B3GALT1: variants seen among roughly 807,000 people sequenced by gnomAD.
B3GALT1 encodes the protein beta-1,3-galactosyltransferase 1.
In B3GALT1, 10 loss-of-function variants were observed where a neutral mutation model predicts 23.2. The ratio of observed to expected loss-of-function variants is 0.43; its 90% CI spans 0.27 to 0.73. The LOEUF is 0.73. B3GALT1 is among the 30% of genes least tolerant of loss of function. The pLI is 0.21. For missense variants in B3GALT1, 299 were observed against 405.4 expected, an observed-to-expected ratio of 0.74 and a Z score of 2.25; for synonymous variants, 156 against 141.5, an observed-to-expected ratio of 1.10 and a Z score of -0.73.
intron 2 of B3GALT1, among the ~76,000 whole-genome samples, chr2:167,588,244 G>A (rs1407664943): frequency 2.1e-5 from 3 of 145,058 alleles, no homozygotes; most frequent in African/African-American, 7.6e-5. Context: ...TCACCTGTGA[G>A]CTAAAAAAAC....
At chr2:167,593,411 C>A (rs892607880) in intron 2 of B3GALT1, among the ~76,000 whole-genome samples, 2 of 152,088 alleles carry the variant, frequency 1.3e-5, no homozygotes, top group Admixed American at 6.6e-5. Context: ...CACAATAATT[C>A]CATCTGTTTT....
chr2:167,536,079 G>T (rs1683418115), intron 2 of B3GALT1, among the ~76,000 whole-genome samples: 1 of 152,032 alleles, frequency 6.6e-6, no homozygotes, highest in African/African-American at 2.4e-5. Context: ...GCTAATTTTT[G>T]TACTTTTAGT....
intron 3 of B3GALT1, among the ~76,000 whole-genome samples, chr2:167,777,377 T>TG (rs983866611): frequency 2.6e-5 from 4 of 152,280 alleles, no homozygotes; most frequent in Admixed American, 6.5e-5. Context: ...GACAGAGTCT[T>TG]GCTCTGTTGC....
intron 3 of B3GALT1, among the ~76,000 whole-genome samples, chr2:167,704,127 GC>G (rs1260512959): frequency 1.3e-4 from 18 of 142,576 alleles, no homozygotes; most frequent in African/African-American, 4.7e-4. Context: ...CTTGCAATGA[GC>G]CGAGATCGCA....
At chr2:167,521,181 C>T (rs915105227) in intron 2 of B3GALT1, among the ~76,000 whole-genome samples, 6 of 152,078 alleles carry the variant, frequency 3.9e-5, no homozygotes, top group Non-Finnish European at 7.4e-5. Flanking sequence ...GATGTTTGTT[C>T]TTGCTTCCAT....
intron 1 of B3GALT1, among the ~76,000 whole-genome samples, chr2:167,396,454 G>C (rs921380096): frequency 2.0e-5 from 3 of 150,240 alleles, no homozygotes; most frequent in Non-Finnish European, 4.4e-5. Flanking sequence ...TCTCAAAAAA[G>C]TAATTTTTTT....
chr2:167,806,824 C>T (rs914752326), intron 3 of B3GALT1, among the ~76,000 whole-genome samples: 10 of 152,250 alleles, frequency 6.6e-5, no homozygotes, highest in Middle Eastern at 3.4e-3. Context: ...ATGATGCTGG[C>T]GTCATAAAAT....
intron 1 of B3GALT1, among the ~76,000 whole-genome samples, chr2:167,456,120 G>C (rs1699170176): frequency 6.6e-6 from 1 of 152,162 alleles, no homozygotes; most frequent in Non-Finnish European, 1.5e-5. Context: ...TGGTTCTGCA[G>C]ACTGTACAGG....
At chr2:167,534,951 T>G (rs1683391656) in intron 2 of B3GALT1, among the ~76,000 whole-genome samples, 1 of 152,178 alleles carries the variant, frequency 6.6e-6, no homozygotes, top group Admixed American at 6.5e-5. Context: ...TATCCTCATT[T>G]TAAAAAAGAA....
At chr2:167,297,525 A>T (rs571905209) in intron 1 of B3GALT1, among the ~76,000 whole-genome samples, 4 of 152,156 alleles carry the variant, frequency 2.6e-5, no homozygotes, top group Non-Finnish European at 4.4e-5. Context: ...GCTTGTCTTT[A>T]ATTAAAAATA....
At chr2:167,447,356 C>G (rs983124618) in intron 1 of B3GALT1, among the ~76,000 whole-genome samples, 5 of 152,218 alleles carry the variant, frequency 3.3e-5, no homozygotes, top group Non-Finnish European at 7.3e-5. Context: ...ATCTCAAACT[C>G]CGTGCTTGGA....
chr2:167,648,081 C>A (rs184851234), intron 3 of B3GALT1, among the ~76,000 whole-genome samples: 95 of 152,192 alleles, frequency 6.2e-4, no homozygotes, highest in African/African-American at 1.9e-3. Context: ...CTTATGTAAT[C>A]TTTTCTTTCA....
At chr2:167,493,680 G>C (rs1308078330) in intron 2 of B3GALT1, among the ~76,000 whole-genome samples, 1 of 152,160 alleles carries the variant, frequency 6.6e-6, no homozygotes, top group Non-Finnish European at 1.5e-5. Flanking sequence ...AGGGTTGGGT[G>C]GGGGAAGAAG....
intron 2 of B3GALT1, among the ~76,000 whole-genome samples, chr2:167,593,984 C>G: frequency 6.6e-6 from 1 of 152,176 alleles, no homozygotes; most frequent in Non-Finnish European, 1.5e-5. Context: ...ACACAGAAGC[C>G]TAGATATTTA....
chr2:167,664,330 T>C (rs2105475841), intron 3 of B3GALT1, among the ~76,000 whole-genome samples: 1 of 151,682 alleles, frequency 6.6e-6, no homozygotes, highest in South Asian at 2.1e-4. Flanking sequence ...TATCTCTGTT[T>C]TGGTACCAGT....
At chr2:167,668,651 G>T (rs927051340) in intron 3 of B3GALT1, among the ~76,000 whole-genome samples, 2 of 152,120 alleles carry the variant, frequency 1.3e-5, no homozygotes, top group Non-Finnish European at 2.9e-5. Context: ...ATAATCTCCT[G>T]GTGCGCCGTT....
At chr2:167,339,036 A>G (rs562503292) in intron 1 of B3GALT1, among the ~76,000 whole-genome samples, 1 of 152,250 alleles carries the variant, frequency 6.6e-6, no homozygotes, top group African/African-American at 2.4e-5. Context: ...AATTAGAATT[A>G]TTATCTTGGA....
At chr2:167,561,591 C>A (rs11979858) in intron 2 of B3GALT1, among the ~76,000 whole-genome samples, 4 of 151,994 alleles carry the variant, frequency 2.6e-5, no homozygotes, top group Non-Finnish European at 5.9e-5. Context: ...AGAGAAGAAT[C>A]AAATAGACAC....
chr2:167,621,442 T>C (rs1159647249), intron 2 of B3GALT1, among the ~76,000 whole-genome samples: 2 of 152,116 alleles, frequency 1.3e-5, no homozygotes, highest in Non-Finnish European at 2.9e-5. Context: ...AGAGGGATTT[T>C]TAAGAAGAAA....
Sources: gnomAD v4.1 joint callset for allele counts (sites outside exome capture counted in the v4.1 genomes callset) on GRCh38, gnomAD v4.1.1 for gene constraint, MANE v1.5 for transcripts, NCBI Gene and HGNC (gene_info 2026-07-23, HGNC 2026-07-21) for gene names.